The following UBAC1 variants were observed in gnomAD, a reference collection of about 807,000 sequenced individuals.
UBAC1 encodes ubiquitin-associated domain-containing protein 1.
A neutral mutation model predicts 45.9 loss-of-function variants in UBAC1; 27 were observed. The ratio of observed to expected loss-of-function variants is 0.59; its 90% confidence interval spans 0.43 to 0.81. UBAC1 has a LOEUF of 0.81. UBAC1 is among the 30% of genes least tolerant of loss of function. The probability of loss-of-function intolerance (pLI) is 0.00; values close to 1 mark genes in which losing one functional copy is unlikely to be tolerated. For missense variants in UBAC1, 529 were observed against 539.2 expected (o/e 0.98, Z 0.19); for synonymous variants, 227 against 215.5 (o/e 1.05, Z -0.47).
intron 1 of UBAC1, among the ~76,000 whole-genome samples, chr9:135,955,777 A>G (rs1839459833): frequency 6.6e-6 from 1 of 152,174 alleles, no homozygotes; most frequent in South Asian, 2.1e-4. Context: ...AGATCTACCT[A>G]AGTTTTGGGT....
chr9:135,948,040 A>T, intron 3 of UBAC1, 135 bp from the exon 4 acceptor site: 1 of 771,312 alleles, frequency 1.3e-6, no homozygotes, highest in Non-Finnish European at 2.1e-6. Flanking sequence ...CTCCTTGATG[A>T]GCTGGGGGAG....
At chr9:135,959,590 G>A (rs1443789625) in intron 1 of UBAC1, among the ~76,000 whole-genome samples, 1 of 151,998 alleles carries the variant, frequency 6.6e-6, no homozygotes, top group Non-Finnish European at 1.5e-5. Context: ...GGCCAAGATG[G>A]CCTCAATCTC....
At chr9:135,937,400 C>T (rs1839213135) in intron 9 of UBAC1, among the ~76,000 whole-genome samples, 1 of 140,718 alleles carries the variant, frequency 7.1e-6, no homozygotes, top group Non-Finnish European at 1.5e-5. Flanking sequence ...GAGATCATGC[C>T]ATTGCACTCC....
intron 7 of UBAC1, among the ~76,000 whole-genome samples, chr9:135,944,284 TG>T (rs1839300198): frequency 1.3e-5 from 2 of 152,156 alleles, no homozygotes; most frequent in African/African-American, 4.8e-5. Flanking sequence ...TCACCCCAGG[TG>T]GATGTCTACA....
rs781695132 is a variant in UBAC1 at position 135,946,373 on chromosome 9, T to C, written c.442-2A>G. ...TATCTTCCGGAGTTCTGTCTGGAACTGTGGTGAAAAAAAAGGAGATCAATT... is the reference window on the plus strand; with the variant it reads ...TATCTTCCGGAGTTCTGTCTGGAACCGTGGTGAAAAAAAAGGAGATCAATT... On this transcript the variant is annotated splice_acceptor_variant, in intron 4 of 9. Coordinates refer to ENST00000371756, the MANE Select transcript of UBAC1 (RefSeq NM_016172.3). LOFTEE classifies it high-confidence loss of function. The C allele has an allele frequency of 1.9e-6, 3 of 1,603,470 alleles. No homozygotes were observed. Among genetic ancestry groups the C allele is most frequent in the African/African-American group, 1.3e-5 (1 of 74,654 alleles).
At chr9:135,947,989 C>T (rs1839358619) in intron 3 of UBAC1, 84 bp from the exon 4 acceptor site, 5 of 1,263,066 alleles carry the variant, frequency 4.0e-6, no homozygotes, top group Non-Finnish European at 5.5e-6. Flanking sequence ...GGAGCTCTGC[C>T]CAAGAAAGAC....
At chr9:135,960,967 C>A in intron 1 of UBAC1, 58 bp downstream of exon 1, 1 of 1,408,326 alleles carries the variant, frequency 7.1e-7, no homozygotes, top group Non-Finnish European at 9.3e-7. Flanking sequence ...GAGGCGGGGT[C>A]CGCAGTCGGA....
intron 2 of UBAC1, among the ~76,000 whole-genome samples, chr9:135,954,169 G>C (rs1839439625): frequency 6.6e-6 from 1 of 151,090 alleles, no homozygotes; most frequent in Non-Finnish European, 1.5e-5. Context: ...AGAAGAGCAG[G>C]GCTTCAGCTG....
In UBAC1 at chr9:135,957,306, G is replaced by C. The variant is rs139297035; in HGVS notation, c.139-1891C>G. ...GGCAGAGAACCCTCAAGTGCCTCTG[G>C]ATTTGACAATGGCTCTGCTCCCTGA... On this transcript the variant is annotated intron_variant, in intron 1 of 9. Coordinates refer to ENST00000371756, the MANE Select transcript of UBAC1 (RefSeq NM_016172.3). 3.8e-3 allele frequency among the ~76,000 whole-genome samples: 577 copies of C among 152,264 alleles called. 4 individuals carry two copies. Among genetic ancestry groups the C allele is most frequent in the African/African-American group, 0.013 (551 of 41,552 alleles).
In UBAC1 at chr9:135,954,823, T is replaced by C. The variant is rs545036258; in HGVS notation, c.259+472A>G. Among the ~76,000 whole-genome samples, 6 of 152,350 alleles carry C rather than the reference T, an allele frequency of 3.9e-5. No homozygotes were observed. The South Asian group carries it at 1.2e-3, about 32-fold the overall frequency. On this transcript the variant is annotated intron_variant, in intron 2 of 9. Transcript: ENST00000371756. Reference sequence around the variant, plus strand: ...TCTGTTAGCAATACTTCCAGGATTTTCAAAACAGCTTACTTCAAGGACTTC... The same window carrying C: ...TCTGTTAGCAATACTTCCAGGATTTCCAAAACAGCTTACTTCAAGGACTTC...
At chr9:135,953,432 TC>T (rs1270145217) in intron 3 of UBAC1, among the ~76,000 whole-genome samples, 1 of 152,192 alleles carries the variant, frequency 6.6e-6, no homozygotes, top group African/African-American at 2.4e-5. Flanking sequence ...TTCTCCTGCC[TC>T]AGCCTCCTGA....
rs765207507 is a variant in UBAC1, at chr9:135,961,025, G to A, written c.138C>T (p.His46=). The A allele has an allele frequency of 1.7e-5, 27 of 1,556,526 alleles. No homozygotes were observed. Among genetic ancestry groups the A allele is most frequent in the Admixed American group, 5.5e-5 (3 of 54,286 alleles). ...VEKLKERCLK[H]CAHGSLEDPK... The stretch of plus-strand genomic sequence containing the variant: ...GGCAGGGGAGGGGGCCCGGCCTTAC[G>A]TGCTTGAGGCAGCGCTCCTTGAGCT... The change falls in exon 1 of 10, where the codon CAC becomes CAT. Residue 46 remains histidine (H), a splice_region_variant and synonymous_variant. Coordinates refer to ENST00000371756, the MANE Select transcript of UBAC1 (RefSeq NM_016172.3).
chr9:135,938,163 T>C (rs1839221290), intron 9 of UBAC1, 59 bp downstream of exon 9: 2 of 1,591,304 alleles, frequency 1.3e-6, no homozygotes, highest in South Asian at 1.1e-5. Flanking sequence ...CTATTTGTCC[T>C]GCAAGGGAAC....
chr9:135,945,305 G>T, intron 6 of UBAC1, 55 bp from the exon 7 acceptor site: 2 of 1,435,598 alleles, frequency 1.4e-6, no homozygotes, highest in Non-Finnish European at 9.3e-7. Context: ...CAGGGCCTTC[G>T]CCTCCTGTCC....
chr9:135,952,531 A>G (rs1339488983), intron 3 of UBAC1, among the ~76,000 whole-genome samples: 4 of 152,250 alleles, frequency 2.6e-5, no homozygotes, highest in Non-Finnish European at 5.9e-5. Flanking sequence ...GGCAGCCAGT[A>G]AACAACACAC....
intron 3 of UBAC1, among the ~76,000 whole-genome samples, chr9:135,952,775 A>G (rs1839421781): frequency 6.6e-6 from 1 of 152,236 alleles, no homozygotes; most frequent in African/African-American, 2.4e-5. Context: ...GAATATTTGC[A>G]TTCCAAATAA....
intron 9 of UBAC1, among the ~76,000 whole-genome samples, chr9:135,935,211 C>T (rs1237346269): frequency 6.6e-5 from 10 of 152,174 alleles, no homozygotes; most frequent in Non-Finnish European, 1.5e-4. Context: ...GAAGGACTGT[C>T]TTCTGTATAT....
chr9:135,940,618 CT>C (rs1209077311), intron 7 of UBAC1, among the ~76,000 whole-genome samples: 5 of 151,122 alleles, frequency 3.3e-5, no homozygotes, highest in South Asian at 2.1e-4. Context: ...AATTTTTTAA[CT>C]TTTAATATTG....
chr9:135,949,020 C>T (rs1296343946), intron 3 of UBAC1, among the ~76,000 whole-genome samples: 1 of 150,750 alleles, frequency 6.6e-6, no homozygotes, highest in Non-Finnish European at 1.5e-5. Context: ...ATCACACCAC[C>T]GCACTCAAGC....
Sources: gnomAD v4.1 joint callset for allele counts (sites outside exome capture counted in the v4.1 genomes callset) on GRCh38, gnomAD v4.1.1 for gene constraint, MANE v1.5 for transcripts, NCBI Gene and HGNC (gene_info 2026-07-23, HGNC 2026-07-21) for gene names.